The following SYNE3 variants were observed in gnomAD, a reference collection of about 807,000 sequenced individuals.
SYNE3 encodes nesprin-3.
A neutral mutation model predicts 111.2 loss-of-function variants in SYNE3; 100 were observed. The observed-to-expected ratio is 0.90, with a 90% CI of 0.77 to 1.06. The LOEUF (loss-of-function observed/expected upper bound fraction) is 1.06. Ranked by LOEUF, SYNE3 falls within the 50% of genes least tolerant of loss-of-function variation. The pLI, the probability that SYNE3 is intolerant of heterozygous loss-of-function variation, is 0.00. For synonymous variants in SYNE3, 547 were observed against 533.9 expected, an observed-to-expected ratio of 1.02 and a Z score of -0.34; for missense variants, 1,160 against 1,240.3, an observed-to-expected ratio of 0.94 and a Z score of 0.97.
chr14:95,475,551 A>T, intron 2 of SYNE3, 127 bp downstream of exon 2: 2 of 1,106,896 alleles, frequency 1.8e-6, no homozygotes, highest in East Asian at 6.1e-5. Flanking sequence ...ATCTGTGTGC[A>T]CATCAGAGTT....
At chr14:95,487,776 G>A (rs1261626216) in intron 1 of SYNE3, among the ~76,000 whole-genome samples, 1 of 152,102 alleles carries the variant, frequency 6.6e-6, no homozygotes, top group Non-Finnish European at 1.5e-5. Flanking sequence ...ATTTCCTAGA[G>A]TTTTGTACAT....
chr14:95,434,860 T>A (rs748599163), intron 15 of SYNE3, among the ~76,000 whole-genome samples: 14 of 152,202 alleles, frequency 9.2e-5, no homozygotes, highest in African/African-American at 3.4e-4. Context: ...TTTCTCCATG[T>A]TGAGGCTGGT....
At chr14:95,512,379 C>G (rs1182210885) in intron 1 of SYNE3, among the ~76,000 whole-genome samples, 2 of 151,966 alleles carry the variant, frequency 1.3e-5, no homozygotes, top group Non-Finnish European at 2.9e-5. Context: ...AATAATGAAG[C>G]ATAAAAATAT....
chr14:95,516,377 C>A (rs1197823858), intron 1 of SYNE3, among the ~76,000 whole-genome samples: 1 of 152,176 alleles, frequency 6.6e-6, no homozygotes, highest in Non-Finnish European at 1.5e-5. Context: ...CAGCACAGAA[C>A]GGTTGGATTT....
At chr14:95,505,461 A>C (rs1890495737) in intron 1 of SYNE3, among the ~76,000 whole-genome samples, 1 of 152,212 alleles carries the variant, frequency 6.6e-6, no homozygotes, top group Non-Finnish European at 1.5e-5. Flanking sequence ...CTCATTGGGC[A>C]GCCCTCAGAT....
chr14:95,474,257 C>T (rs8022397), intron 2 of SYNE3, among the ~76,000 whole-genome samples: 10,451 of 152,260 alleles, frequency 0.069, 601 homozygotes, highest in African/African-American at 0.16. Context: ...TTTGCTTTTC[C>T]TTTGGTGGAC....
Position 95,446,041 on chromosome 14 carries a change from C to T in SYNE3, c.1500G>A (p.Gln500=), listed in dbSNP as rs1181321783. Residue 500 remains glutamine, a synonymous_variant, in exon 9 of 18, where the codon CAG becomes CAA. Transcript: ENST00000682763. ...SRLKELLTML[Q]LKKDLLIGIF... ...TGCCAATCAGGAGGTCTTTCTTCAG[C>T]TGCAGCATCGTCAGCAGCTCTTTCA... 2 of 1,614,172 alleles carry T rather than the reference C, an allele frequency of 1.2e-6. No individual in the cohort carries two copies. The highest frequency in any genetic ancestry group is 2.2e-5 in the South Asian group (2 of 91,084).
chr14:95,420,647 C>A lies in SYNE3; in HGVS notation c.2728-2621G>T, dbSNP rs563798406. Among the ~76,000 whole-genome samples, 7 of 152,180 alleles carry A rather than the reference C, an allele frequency of 4.6e-5. No homozygotes were observed. In the South Asian group the frequency reaches 1.5e-3, roughly 32 times the overall value. ...GACCTCACGTCCTCACTTAGAGGGC[C>A]CTGGATTCCAAAATGCTCTTAAAAA... On this transcript the variant is annotated intron_variant, in intron 17 of 17. Transcript: ENST00000682763.
Position 95,478,656 on chromosome 14 carries a change from G to A in SYNE3, c.-14-2821C>T, listed in dbSNP as rs1373313327. Among the ~76,000 whole-genome samples the A allele has an allele frequency of 2.0e-5, 3 of 152,188 alleles. No individual in the cohort carries two copies. In the East Asian group the frequency reaches 5.8e-4, roughly 29 times the overall value. On this transcript the variant is annotated intron_variant, in intron 1 of 17. Coordinates refer to ENST00000682763, the MANE Select transcript of SYNE3 (RefSeq NM_152592.6). ...AATGGTCTGGGGGACACTGTCTATT[G>A]GCAGAGGTATACTCTTCCTGTAAAG... is the stretch of plus-strand genomic sequence containing the variant.
chr14:95,431,925 C>A (rs1445224978), intron 17 of SYNE3, among the ~76,000 whole-genome samples, 154 bp downstream of exon 17: 1 of 152,200 alleles, frequency 6.6e-6, no homozygotes, highest in Non-Finnish European at 1.5e-5. Context: ...TGGGGCCCAG[C>A]ACAGCGCAGC....
chr14:95,473,331 A>T (rs1458864859), intron 2 of SYNE3, among the ~76,000 whole-genome samples: 4 of 152,004 alleles, frequency 2.6e-5, no homozygotes, highest in African/African-American at 9.6e-5. Flanking sequence ...CAGAACCACC[A>T]CCTGGAGGGA....
At chr14:95,488,831 C>T (rs148617335) in intron 1 of SYNE3, among the ~76,000 whole-genome samples, 3,230 of 152,254 alleles carry the variant, frequency 0.021, 217 homozygotes, top group Admixed American at 0.15. Context: ...AATTCCTGCA[C>T]GGCCTTGACA....
In SYNE3 at chr14:95,417,148, T is replaced by A. The variant is rs896251372; in HGVS notation, c.*678A>T. 1 of 156,316 alleles carries A rather than the reference T, an allele frequency of 6.4e-6. No individual in the cohort carries two copies. Among genetic ancestry groups the A allele is most frequent in the Non-Finnish European group, 1.4e-5 (1 of 70,410 alleles). The allele number at this position is 156,316 out of a possible 1,614,324, so 9.7% of individuals were successfully genotyped here. ...CAGCTGTGCTTTCTTAGTTCGGGGA[T>A]CTGCTCTCTGCAGCTCTTCTTTTTC... On this transcript the variant is annotated 3_prime_UTR_variant, in exon 18 of 18. Transcript: ENST00000682763.
chr14:95,509,442 G>A (rs1006151492), intron 1 of SYNE3, among the ~76,000 whole-genome samples: 7 of 152,218 alleles, frequency 4.6e-5, no homozygotes, highest in Admixed American at 2.0e-4. Flanking sequence ...CTCCTGGGCT[G>A]AGGGGGTGAA....
chr14:95,432,256 G>T (rs1885817042), intron 16 of SYNE3, 139 bp from the exon 17 acceptor site: 2 of 952,412 alleles, frequency 2.1e-6, no homozygotes, highest in Non-Finnish European at 3.2e-6. Flanking sequence ...CATCTGGACA[G>T]CCTGAGCCAG....
intron 2 of SYNE3, among the ~76,000 whole-genome samples, chr14:95,473,075 G>A (rs1193239627): frequency 1.3e-5 from 2 of 152,186 alleles, no homozygotes; most frequent in African/African-American, 4.8e-5. Context: ...CTTACCAGCT[G>A]GCAACAGGAA....
intron 17 of SYNE3, among the ~76,000 whole-genome samples, 155 bp from the exon 18 acceptor site, chr14:95,418,181 A>C (rs1884861226): frequency 6.6e-6 from 1 of 152,174 alleles, no homozygotes. Flanking sequence ...AACAGGGCTA[A>C]TGTAAGTTTT....
At chr14:95,422,997 G>A (rs1885217505) in intron 17 of SYNE3, among the ~76,000 whole-genome samples, 1 of 152,206 alleles carries the variant, frequency 6.6e-6, no homozygotes, top group Non-Finnish European at 1.5e-5. Flanking sequence ...GGCACCAGAA[G>A]CACTGAATTA....
At chr14:95,476,675 G>A (rs924957202) in intron 1 of SYNE3, among the ~76,000 whole-genome samples, 5 of 152,240 alleles carry the variant, frequency 3.3e-5, no homozygotes, top group Non-Finnish European at 1.5e-5. Context: ...TCTGCATATA[G>A]CAACCATGTG....
Sources: gnomAD v4.1 joint callset for allele counts (sites outside exome capture counted in the v4.1 genomes callset) on GRCh38, gnomAD v4.1.1 for gene constraint, MANE v1.5 for transcripts, NCBI Gene and HGNC (gene_info 2026-07-23, HGNC 2026-07-21) for gene names.